SYNE1: variants seen among roughly 807,000 people sequenced by gnomAD.
The protein encoded by SYNE1 is nesprin-1.
A neutral mutation model predicts 1,111.0 loss-of-function variants in SYNE1; 616 were observed. The ratio of observed to expected loss-of-function variants is 0.55; its 90% CI spans 0.52 to 0.59. SYNE1 has a LOEUF of 0.59. SYNE1 is among the 20% of genes least tolerant of loss of function. SYNE1 has a pLI of 0.00. For synonymous variants in SYNE1, 3,855 were observed against 3,825.8 expected (o/e 1.01, Z -0.28); for missense variants, 10,006 against 10,417.0 (o/e 0.96, Z 1.72).
chr6:152,566,260 G>C (rs2099413118), intron 3 of SYNE1, among the ~76,000 whole-genome samples: 1 of 152,116 alleles, frequency 6.6e-6, no homozygotes, highest in African/African-American at 2.4e-5. Flanking sequence ...AGGTAACACA[G>C]AGATGCTGGC....
intron 78 of SYNE1, among the ~76,000 whole-genome samples, chr6:152,327,985 C>T (rs2096125360): frequency 6.6e-6 from 1 of 152,038 alleles, no homozygotes; most frequent in Non-Finnish European, 1.5e-5. Flanking sequence ...ATGATTTTAT[C>T]CAATATTAAA....
At chr6:152,151,464 G>T (rs776797404) in intron 135 of SYNE1, 89 bp downstream of exon 135, 3 of 1,531,596 alleles carry the variant, frequency 2.0e-6, no homozygotes, top group African/African-American at 2.8e-5. Flanking sequence ...CAAAAGAAAA[G>T]TTATTTGCTA....
chr6:152,297,802 TGTGTGTGTGTGTGTGTGTGTGC>T (rs1407444153), intron 93 of SYNE1, among the ~76,000 whole-genome samples: 6 of 98,402 alleles, frequency 6.1e-5, no homozygotes, highest in Non-Finnish European at 1.3e-4. Context: ...TGTGTGTGTG[TGTGTGTGTGTGTGTGTGTGTGC>T]GCGCGCACGT....
At chr6:152,320,499 G>C (rs1278131845) in intron 84 of SYNE1, among the ~76,000 whole-genome samples, 2 of 151,928 alleles carry the variant, frequency 1.3e-5, no homozygotes, top group African/African-American at 4.8e-5. Context: ...AATAGCTTTA[G>C]CATTAAGCCA....
At chr6:152,506,838 A>T (rs1428393255) in intron 8 of SYNE1, among the ~76,000 whole-genome samples, 4 of 152,136 alleles carry the variant, frequency 2.6e-5, no homozygotes, top group African/African-American at 4.8e-5. Flanking sequence ...CGGCCCCCCA[A>T]AGTGCTGGGA....
At chr6:152,362,462 G>A in intron 63 of SYNE1, 139 bp from the exon 64 acceptor site, 1 of 1,121,624 alleles carries the variant, frequency 8.9e-7, no homozygotes, top group Non-Finnish European at 1.3e-6. Flanking sequence ...TGAGCAGGCT[G>A]CCCAGGGCTT....
chr6:152,299,025 T>G (rs1015367307), intron 93 of SYNE1, among the ~76,000 whole-genome samples: 2 of 152,192 alleles, frequency 1.3e-5, no homozygotes, highest in Admixed American at 6.5e-5. Context: ...CTAATCTCAC[T>G]GAGTTTTAGG....
In SYNE1 at chr6:152,249,202, G is replaced by GTT; in HGVS notation, c.19529_19530dup (p.Leu6511AsnfsTer10). ...ACGGGCTGTTCAAACACATTTGCCA[G>GTT]TTTTTGCAGAATGATGTATTTGTTG... On this transcript the variant is annotated frameshift_variant, in exon 105 of 146. Transcript: ENST00000367255. LOFTEE classifies it high-confidence loss of function. 6 of 1,614,048 alleles carry GTT rather than the reference G, an allele frequency of 3.7e-6. No homozygotes were observed. Among genetic ancestry groups the GTT allele is most frequent in the Non-Finnish European group, 5.1e-6 (6 of 1,179,946 alleles).
At position 152,148,489 on chromosome 6, in the gene SYNE1, A is replaced by G; in HGVS notation, c.24643-111T>C. The G allele has an allele frequency of 1.1e-6, 1 of 916,244 alleles. No homozygotes were observed. The highest frequency in any genetic ancestry group is 1.7e-6 in the Non-Finnish European group (1 of 583,800). 56.8% of individuals were successfully genotyped at this position (916,244 alleles called of 1,614,324 possible). The stretch of plus-strand genomic sequence containing the variant: ...TTTTTAACTTCTTATGAGCAAATAA[A>G]TAAGAATCTTCTGATCACAGAAATA... On this transcript the variant is annotated intron_variant, in intron 136 of 145. Coordinates refer to ENST00000367255, the MANE Select transcript of SYNE1 (RefSeq NM_182961.4). The surrounding 1 kb of genome is among the most constrained non-coding windows in gnomAD (Gnocchi z 4.1).
At chr6:152,310,131 A>G in intron 89 of SYNE1, 114 bp from the exon 90 acceptor site, 2 of 1,365,060 alleles carry the variant, frequency 1.5e-6, no homozygotes, top group South Asian at 1.3e-5. Context: ...CAAAAAAAAA[A>G]AAATGTTTAA....
intron 46 of SYNE1, among the ~76,000 whole-genome samples, chr6:152,403,617 G>A (rs1448749990): frequency 2.6e-5 from 4 of 152,098 alleles, no homozygotes; most frequent in African/African-American, 9.7e-5. Context: ...AGCTACCAGG[G>A]AGGCTGAGGT....
In SYNE1 at chr6:152,269,238, G is replaced by C. The variant is rs558425673; in HGVS notation, c.18622C>G (p.Gln6208Glu). 7.6e-5 allele frequency: 123 copies of C among 1,614,054 alleles called. No homozygotes were observed. Among genetic ancestry groups the C allele is most frequent in the Non-Finnish European group, 9.7e-5 (115 of 1,180,040 alleles). The change falls in exon 99 of 146, where the codon CAG becomes GAG. Residue 6208 changes from glutamine (Q) to glutamate (E), a missense_variant. Gln to Glu is a conservative substitution (Grantham distance 29). This residue lies in a region of SYNE1 where 2,182 missense variants were observed against 2,287.8 expected (regional missense o/e 0.95). Transcript: ENST00000367255. ...EESDVDLTAT[Q>E]SPGVQEWLAQ... ...AGCCATTCCTGGACGCCGGGGCTCT[G>C]CGTGGCTGTTAGGTCAACATCGCTC...
intron 141 of SYNE1, 27 bp downstream of exon 141, chr6:152,136,591 T>C (rs538023227): frequency 8.1e-6 from 13 of 1,611,588 alleles, no homozygotes; most frequent in Non-Finnish European, 1.1e-5. Flanking sequence ...TCTCTCTGAG[T>C]CACCTCCTGC....
chr6:152,183,374 T>C (rs1395500259), intron 128 of SYNE1, among the ~76,000 whole-genome samples: 1 of 152,060 alleles, frequency 6.6e-6, no homozygotes, highest in African/African-American at 2.4e-5. Context: ...CCCAGCACTT[T>C]GGGAGGCCGA....
intron 14 of SYNE1, among the ~76,000 whole-genome samples, chr6:152,482,512 G>A (rs1306298776): frequency 1.3e-5 from 2 of 152,172 alleles, no homozygotes; most frequent in South Asian, 4.2e-4. Context: ...AATGAAAAAC[G>A]GCATTTTTAG....
Position 152,416,567 on chromosome 6 carries a change from C to G in SYNE1, c.5870G>C (p.Gly1957Ala), listed in dbSNP as rs755220545. 1.2e-6 allele frequency: 2 copies of G among 1,613,992 alleles called. No homozygotes were observed. Among genetic ancestry groups the G allele is most frequent in the African/African-American group, 2.7e-5 (2 of 74,902 alleles). The change falls in exon 41 of 146, where the codon GGA becomes GCA. Residue 1957 changes from glycine to alanine, a missense_variant. Coordinates refer to ENST00000367255, the MANE Select transcript of SYNE1 (RefSeq NM_182961.4). ...SCRATADQLC[G>A]EVERIQNLLG... ...AAGGTTCTGGATCCTCTCTACCTCT[C>G]CACAGAGCTGATCAGCCGTGGCTCT...
chr6:152,441,872 C>A (rs2098533544), intron 31 of SYNE1, among the ~76,000 whole-genome samples: 1 of 152,208 alleles, frequency 6.6e-6, no homozygotes, highest in Non-Finnish European at 1.5e-5. Flanking sequence ...TCTTCTTAAG[C>A]ATCCACACTT....
chr6:152,523,445 T>G (rs2099149939), intron 5 of SYNE1, among the ~76,000 whole-genome samples: 1 of 152,202 alleles, frequency 6.6e-6, no homozygotes, highest in African/African-American at 2.4e-5. Context: ...CATGCTGTGT[T>G]GGTAACTATA....
At chr6:152,416,283 T>G (rs1360643960) in intron 41 of SYNE1, 104 bp downstream of exon 41, 4 of 1,536,078 alleles carry the variant, frequency 2.6e-6, no homozygotes, top group Non-Finnish European at 2.7e-6. Flanking sequence ...GGGTCCTGAG[T>G]TTTTATTTTC....
Sources: allele counts gnomAD v4.1 joint callset (sites outside exome capture counted in the v4.1 genomes callset), GRCh38; gene constraint gnomAD v4.1.1; regional missense constraint gnomAD v4.1.1; non-coding constraint Gnocchi (gnomAD v3.1); transcripts MANE v1.5; gene names NCBI Gene and HGNC (gene_info 2026-07-23, HGNC 2026-07-21).